The following LRRFIP2 variants were observed in gnomAD, a reference collection of about 807,000 sequenced individuals.
LRRFIP2 encodes the protein leucine-rich repeat flightless-interacting protein 2.
LRRFIP2 carries 109 observed loss-of-function variants against 125.9 expected under a neutral mutation model. That is an observed-to-expected ratio of 0.87 (90% CI 0.74 to 1.01). The LOEUF is 1.01. LRRFIP2 is among the 50% of genes least tolerant of loss of function. The pLI, the probability that LRRFIP2 is intolerant of heterozygous loss-of-function variation, is 0.00. For missense variants in LRRFIP2, 850 were observed against 862.3 expected (o/e 0.99, Z 0.18); for synonymous variants, 291 against 293.1 (o/e 0.99, Z 0.07).
At position 37,121,695 on chromosome 3, in the gene LRRFIP2, G is replaced by A. The variant is rs773699590; in HGVS notation, c.229-4C>T. On this transcript the variant is annotated splice_region_variant and splice_polypyrimidine_tract_variant and intron_variant, in intron 4 of 27. Coordinates refer to ENST00000336686, the MANE Select transcript of LRRFIP2 (RefSeq NM_006309.4). ...ACCTGGCCCTTTCCGAATCTTCCTG[G>A]GAAAGGAGAAAGTACATGGAGAGTT... 3.7e-6 allele frequency: 6 copies of A among 1,613,918 alleles called. No homozygotes were observed. The Admixed American group carries it at 1.0e-4, about 27-fold the overall frequency.
chr3:37,148,302 C>A (rs1251220583), intron 2 of LRRFIP2, among the ~76,000 whole-genome samples: 2 of 151,894 alleles, frequency 1.3e-5, no homozygotes, highest in Non-Finnish European at 2.9e-5. Context: ...TTGTCATACC[C>A]AATTAAATTA....
intron 6 of LRRFIP2, among the ~76,000 whole-genome samples, chr3:37,117,694 TAGAA>T (rs2094852668): frequency 6.6e-6 from 1 of 152,144 alleles, no homozygotes; most frequent in Non-Finnish European, 1.5e-5. Context: ...GGAAACAAAC[TAGAA>T]AGAAAGTACA....
chr3:37,087,502 C>CTGTTTTAAACAGAAGTGTCAGG lies in LRRFIP2; in HGVS notation c.1108-3718_1108-3697dup, dbSNP rs2093133415. On this transcript the variant is annotated intron_variant, in intron 18 of 27. Transcript: ENST00000336686. ...CCTTTAAACACTAGACCACAAAAGA[C>CTGTTTTAAACAGAAGTGTCAGG]TGTTTTAAACAGAAGTGTCAGGTAT... 2.6e-5 allele frequency among the ~76,000 whole-genome samples: 4 copies of CTGTTTTAAACAGAAGTGTCAGG among 152,238 alleles called. No homozygotes were observed. In the South Asian group the frequency reaches 8.3e-4, roughly 32 times the overall value.
intron 16 of LRRFIP2, among the ~76,000 whole-genome samples, chr3:37,096,184 A>C (rs543273039): frequency 1.3e-5 from 2 of 152,204 alleles, no homozygotes; most frequent in Non-Finnish European, 2.9e-5. Context: ...TGACTTTCTA[A>C]TAATACTTTC....
intron 1 of LRRFIP2, among the ~76,000 whole-genome samples, chr3:37,155,005 A>T (rs1451380439): frequency 6.6e-6 from 1 of 152,226 alleles, no homozygotes; most frequent in Non-Finnish European, 1.5e-5. Context: ...AGTTATTCAT[A>T]AACAAATCCC....
Position 37,061,708 on chromosome 3 carries a change from T to C in LRRFIP2, c.1749+2034A>G, listed in dbSNP as rs1575826626. Reference sequence around the variant, plus strand: ...AGTCAAACATCTTTTCTTTATAAATTACCCAGCCTCAGGTATTCCTTTATA... The same window carrying C: ...AGTCAAACATCTTTTCTTTATAAATCACCCAGCCTCAGGTATTCCTTTATA... On this transcript the variant is annotated intron_variant, in intron 24 of 27. Transcript: ENST00000336686. Among the ~76,000 whole-genome samples, 3 of 152,168 alleles carry C rather than the reference T, an allele frequency of 2.0e-5. No individual in the cohort carries two copies. In the East Asian group the frequency reaches 5.8e-4, roughly 29 times the overall value.
chr3:37,072,711 G>GT (rs1371195410), intron 21 of LRRFIP2, 79 bp downstream of exon 21: 1 of 842,594 alleles, frequency 1.2e-6, no homozygotes, highest in African/African-American at 1.7e-5. Context: ...AAAAGGACAG[G>GT]TTTTTTCAAT....
intron 21 of LRRFIP2, chr3:37,068,410 A>G (rs2090549296): frequency 6.6e-6 from 1 of 152,224 alleles, no homozygotes; most frequent in South Asian, 2.1e-4. Flanking sequence ...ATCGTATTGC[A>G]CTGGGTTTTA....
intron 20 of LRRFIP2, 47 bp downstream of exon 20, chr3:37,074,977 A>G: frequency 7.8e-7 from 1 of 1,274,742 alleles, no homozygotes; most frequent in African/African-American, 1.5e-5. Flanking sequence ...ATCCCATTCA[A>G]CTCATTTTTT....
intron 1 of LRRFIP2, among the ~76,000 whole-genome samples, chr3:37,151,886 T>C (rs1404296622): frequency 1.3e-5 from 2 of 152,168 alleles, no homozygotes; most frequent in Non-Finnish European, 2.9e-5. Context: ...ATTACAGGCA[T>C]GAGCCACCAG....
At chr3:37,175,165 C>T (rs1443304276), upstream of LRRFIP2, 1 of 152,140 alleles carries the variant, frequency 6.6e-6, no homozygotes, top group African/African-American at 2.4e-5. Context: ...ATCCATACCC[C>T]GCTCTCCTTC....
chr3:37,139,831 A>G (rs1472145336), intron 2 of LRRFIP2, among the ~76,000 whole-genome samples: 1 of 152,108 alleles, frequency 6.6e-6, no homozygotes, highest in African/African-American at 2.4e-5. Flanking sequence ...CCCTGGTCCA[A>G]TTCTACCCTA....
chr3:37,110,922 C>A, intron 9 of LRRFIP2, 69 bp downstream of exon 9: 1 of 1,446,018 alleles, frequency 6.9e-7, no homozygotes, highest in Non-Finnish European at 9.6e-7. Flanking sequence ...AGTCAAAATG[C>A]AAAATGGGGA....
chr3:37,056,195 T>C (rs200667722), intron 25 of LRRFIP2, among the ~76,000 whole-genome samples: 1 of 152,196 alleles, frequency 6.6e-6, no homozygotes, highest in African/African-American at 2.4e-5. Context: ...TATAAGTTAC[T>C]AGATGAACAT....
intron 15 of LRRFIP2, among the ~76,000 whole-genome samples, chr3:37,099,455 T>C (rs2093905031): frequency 6.6e-6 from 1 of 152,192 alleles, no homozygotes; most frequent in African/African-American, 2.4e-5. Flanking sequence ...ATAAAGTATT[T>C]ACAGTGTAGT....
chr3:37,127,757 A>G, intron 3 of LRRFIP2, 77 bp from the exon 4 acceptor site: 1 of 1,119,048 alleles, frequency 8.9e-7, no homozygotes, highest in Non-Finnish European at 1.3e-6. Context: ...TTAATCATAC[A>G]CATTTTCCCT....
intron 26 of LRRFIP2, among the ~76,000 whole-genome samples, chr3:37,054,785 A>T (rs1361435330): frequency 6.6e-6 from 1 of 152,266 alleles, no homozygotes; most frequent in East Asian, 1.9e-4. Context: ...AAAGCAATAT[A>T]GGAAGAGACA....
intron 1 of LRRFIP2, among the ~76,000 whole-genome samples, chr3:37,166,856 T>C (rs1216644940): frequency 6.6e-5 from 10 of 151,650 alleles, no homozygotes; most frequent in African/African-American, 2.4e-4. Flanking sequence ...CCATCTCTAC[T>C]GTAAATACAA....
chr3:37,165,026 G>C (rs1463564154), intron 1 of LRRFIP2, among the ~76,000 whole-genome samples: 1 of 151,650 alleles, frequency 6.6e-6, no homozygotes, highest in East Asian at 2.0e-4. Context: ...ACGAGGTCGG[G>C]AGATCGAGAC....
Sources: allele counts gnomAD v4.1 joint callset (sites outside exome capture counted in the v4.1 genomes callset), GRCh38; gene constraint gnomAD v4.1.1; transcripts MANE v1.5; gene names NCBI Gene and HGNC (gene_info 2026-07-23, HGNC 2026-07-21).